Variants in USH2A observed in about 807,000 individuals in gnomAD.
The protein encoded by USH2A is Usher syndrome 2A (autosomal recessive, mild).
In USH2A, 443 loss-of-function variants were observed where a neutral mutation model predicts 538.9. The observed-to-expected ratio is 0.82, with a 90% CI of 0.76 to 0.89. The LOEUF is 0.89. Ranked by LOEUF, USH2A falls within the 40% of genes least tolerant of loss-of-function variation. The probability of loss-of-function intolerance (pLI) is 0.00; values close to 1 mark genes in which losing one functional copy is unlikely to be tolerated. For missense variants in USH2A, 6,633 were observed against 6,324.8 expected (o/e 1.05, Z -1.65); for synonymous variants, 2,413 against 2,273.5 (o/e 1.06, Z -1.75).
chr1:215,999,135 T>C (rs1268658832), intron 33 of USH2A, 77 bp from the exon 34 acceptor site: 2 of 1,253,230 alleles, frequency 1.6e-6, no homozygotes, highest in Non-Finnish European at 2.3e-6. Context: ...AGGACACATT[T>C]GAACTTGGAT....
At chr1:216,183,830 C>T (rs189759155) in intron 20 of USH2A, among the ~76,000 whole-genome samples, 3 of 151,950 alleles carry the variant, frequency 2.0e-5, no homozygotes, top group Admixed American at 6.6e-5. Flanking sequence ...CCTAAATGTG[C>T]GGTTCTTTCC....
intron 61 of USH2A, among the ~76,000 whole-genome samples, chr1:215,693,224 A>G (rs1658681921): frequency 6.6e-6 from 1 of 151,218 alleles, no homozygotes; most frequent in Non-Finnish European, 1.5e-5. Context: ...GAAGCAATCC[A>G]CCTGCCTTGG....
At chr1:216,044,232 C>T (rs1305254633) in intron 32 of USH2A, among the ~76,000 whole-genome samples, 1 of 152,066 alleles carries the variant, frequency 6.6e-6, no homozygotes. Flanking sequence ...ACCTGTGTCA[C>T]ACGTGGGGAG....
At chr1:216,149,832 A>G (rs1028927266) in intron 21 of USH2A, among the ~76,000 whole-genome samples, 2 of 152,126 alleles carry the variant, frequency 1.3e-5, no homozygotes, top group Non-Finnish European at 2.9e-5. Context: ...AGTCATCTAT[A>G]GTACCCCGAC....
rs1412918074 is a variant in USH2A at position 215,901,044 on chromosome 1, A to G, written c.7301-139T>C. 7.6e-6 allele frequency: 8 copies of G among 1,052,712 alleles called. No homozygotes were observed. The African/African-American group carries it at 9.5e-5, about 12-fold the overall frequency. 65.2% of individuals were successfully genotyped at this position (1,052,712 alleles called of 1,614,324 possible). On this transcript the variant is annotated intron_variant, in intron 38 of 71. Transcript: ENST00000307340. Reference sequence around the variant, plus strand: ...TTAAACATGGTCCATTTAATTTAACATTTTCATTCCTGAACTCCTGTACTT... The same window carrying G: ...TTAAACATGGTCCATTTAATTTAACGTTTTCATTCCTGAACTCCTGTACTT...
intron 21 of USH2A, among the ~76,000 whole-genome samples, chr1:216,130,272 A>G (rs964382143): frequency 6.6e-6 from 1 of 151,822 alleles, no homozygotes; most frequent in African/African-American, 2.4e-5. Flanking sequence ...AGCAGTATAA[A>G]CTGTACCCTA....
chr1:215,635,240 T>C (rs931697519), intron 69 of USH2A, among the ~76,000 whole-genome samples: 5 of 152,190 alleles, frequency 3.3e-5, no homozygotes, highest in African/African-American at 1.2e-4. Flanking sequence ...TCCATTATGA[T>C]ATTAACAGCC....
At chr1:215,670,378 T>G (rs1045371587) in intron 64 of USH2A, among the ~76,000 whole-genome samples, 1 of 152,198 alleles carries the variant, frequency 6.6e-6, no homozygotes, top group Non-Finnish European at 1.5e-5. Flanking sequence ...TGGACTCTGA[T>G]GGCAAAACAA....
chr1:216,412,325 G>A (rs950680240), intron 3 of USH2A, among the ~76,000 whole-genome samples: 4 of 151,996 alleles, frequency 2.6e-5, no homozygotes, highest in Admixed American at 6.6e-5. Context: ...TTTTTACTTG[G>A]ATGGTTTTAC....
chr1:215,645,019 A>G (rs1656802551), intron 67 of USH2A, among the ~76,000 whole-genome samples: 1 of 152,222 alleles, frequency 6.6e-6, no homozygotes, highest in Non-Finnish European at 1.5e-5. Context: ...TTCAGACGGA[A>G]GAAGGACCAC....
At chr1:216,140,523 G>A (rs553132335) in intron 21 of USH2A, among the ~76,000 whole-genome samples, 3 of 152,216 alleles carry the variant, frequency 2.0e-5, no homozygotes, top group Admixed American at 1.3e-4. Flanking sequence ...CCATAATAAA[G>A]CCAAGTAATT....
intron 40 of USH2A, among the ~76,000 whole-genome samples, chr1:215,892,691 T>A (rs900591047): frequency 7.2e-5 from 11 of 152,096 alleles, no homozygotes; most frequent in Non-Finnish European, 1.3e-4. Context: ...ATAAAGAGGG[T>A]ACAACAGTTA....
In USH2A at chr1:216,000,538, T is replaced by C. The variant is rs1197634293; in HGVS notation, c.6350A>G (p.Gln2117Arg). Residue 2117 changes from glutamine (Q) to arginine (R), a missense_variant, in exon 33 of 72, where the codon CAG (glutamine) becomes CGG (arginine). By Grantham distance (43) the Gln-to-Arg change is conservative. Coordinates refer to ENST00000307340, the MANE Select transcript of USH2A (RefSeq NM_206933.4). ...ATGTGTGCATGCACTTAGTAGAAACTGGTGGGGTGTAAATACTGCTAAATC... is the reference window on the plus strand; with the variant it reads ...ATGTGTGCATGCACTTAGTAGAAACCGGTGGGGTGTAAATACTGCTAAATC... ...VTDLAVFTPH[Q>R]FLLSACTHVG... The C allele has an allele frequency of 1.9e-5, 30 of 1,613,558 alleles. No homozygotes were observed. The highest frequency in any genetic ancestry group is 2.5e-5 in the Non-Finnish European group (29 of 1,179,626).
At chr1:215,912,338 G>A (rs554458379) in intron 38 of USH2A, among the ~76,000 whole-genome samples, 4 of 151,568 alleles carry the variant, frequency 2.6e-5, no homozygotes, top group South Asian at 2.1e-4. Context: ...TGAAGTCTTC[G>A]ACTTAAGTTT....
chr1:216,399,810 T>C (rs2039276730), intron 3 of USH2A, among the ~76,000 whole-genome samples: 1 of 152,142 alleles, frequency 6.6e-6, no homozygotes, highest in South Asian at 2.1e-4. Flanking sequence ...AGTTTCACCC[T>C]ACCCATCTGC....
At position 215,674,420 on chromosome 1, in the gene USH2A, A is replaced by G. The variant is rs2102665123; in HGVS notation, c.13491T>C (p.Phe4497=). The G allele has an allele frequency of 6.2e-7, 1 of 1,614,164 alleles. No homozygotes were observed. Among genetic ancestry groups the G allele is most frequent in the Non-Finnish European group, 8.5e-7 (1 of 1,180,030 alleles). Residue 4497 remains phenylalanine, a synonymous_variant, in exon 63 of 72, where the codon TTT becomes TTC. Coordinates refer to ENST00000307340, the MANE Select transcript of USH2A (RefSeq NM_206933.4). ...TATACTCCACACCTGGGGTGAGAGTAAAATCACGATAGCGTGTTTCCAAGC... is the reference window on the plus strand; with the variant it reads ...TATACTCCACACCTGGGGTGAGAGTGAAATCACGATAGCGTGTTTCCAAGC... ...YTGLETRYRD[F]TLTPGVEYSY... is the part of the protein sequence containing the mutation.
At chr1:215,876,520 G>C (rs74610187) in intron 43 of USH2A, among the ~76,000 whole-genome samples, 1 of 152,178 alleles carries the variant, frequency 6.6e-6, no homozygotes, top group African/African-American at 2.4e-5. Flanking sequence ...CTATGTGCTG[G>C]TATGTGCCAG....
intron 3 of USH2A, among the ~76,000 whole-genome samples, chr1:216,377,284 A>G (rs1438782548): frequency 6.6e-6 from 1 of 152,170 alleles, no homozygotes; most frequent in Non-Finnish European, 1.5e-5. Context: ...AAAGCTAGAG[A>G]GATAGTAATT....
chr1:215,684,797 T>G (rs1658355339), intron 61 of USH2A, among the ~76,000 whole-genome samples: 1 of 152,156 alleles, frequency 6.6e-6, no homozygotes, highest in Admixed American at 6.5e-5. Context: ...AATGGATGAG[T>G]TTTGGCTTCT....
Sources: gnomAD v4.1 joint callset for allele counts (sites outside exome capture counted in the v4.1 genomes callset) on GRCh38, gnomAD v4.1.1 for gene constraint, MANE v1.5 for transcripts, NCBI Gene and HGNC (gene_info 2026-07-23, HGNC 2026-07-21) for gene names.